TENM3: variants seen among roughly 807,000 people sequenced by gnomAD.
The protein encoded by TENM3 is teneurin-3.
A neutral mutation model predicts 255.1 loss-of-function variants in TENM3; 63 were observed. That is an observed-to-expected ratio of 0.25 (90% CI 0.20 to 0.30). The LOEUF is 0.30. TENM3 is among the 10% of genes least tolerant of loss of function. The pLI is 1.00. For missense variants in TENM3, 2,929 were observed against 3,461.1 expected (o/e 0.85, Z 3.86); for synonymous variants, 1,306 against 1,322.3 (o/e 0.99, Z 0.27).
intron 3 of TENM3, among the ~76,000 whole-genome samples, chr4:182,425,797 C>T (rs1308683582): frequency 3.3e-5 from 5 of 152,106 alleles, no homozygotes; most frequent in African/African-American, 9.7e-5. Context: ...ATCACGAGGT[C>T]AGGAGATCAA....
At chr4:182,755,419 G>A (rs12512280) in intron 22 of TENM3, 160 bp downstream of exon 22, 1,628 of 659,546 alleles carry the variant, frequency 2.5e-3, no homozygotes, top group Non-Finnish European at 3.4e-3. Context: ...GCTCATTCCC[G>A]TAGTCTCAGC....
chr4:181,917,088 A>G, the TENM3 span, among the ~76,000 whole-genome samples: 1 of 152,144 alleles, frequency 6.6e-6, no homozygotes, highest in Admixed American at 6.5e-5. Context: ...AGAACAGTCT[A>G]AAAATATTTA....
chr4:181,511,565 G>A, the TENM3 span, among the ~76,000 whole-genome samples: 1 of 152,204 alleles, frequency 6.6e-6, no homozygotes, highest in African/African-American at 2.4e-5. Context: ...TTCACTCTGA[G>A]AGCCATGTCT....
Position 182,688,354 on chromosome 4 carries a change from A to G in TENM3, c.2221+3A>G, listed in dbSNP as rs1239353532. 2 of 1,592,204 alleles carry G rather than the reference A, an allele frequency of 1.3e-6. No homozygotes were observed. Among genetic ancestry groups the G allele is most frequent in the South Asian group, 1.1e-5 (1 of 88,642 alleles). ...GAATGGAGAGCACTGCACTATCGGTAGGCTTACTGCAAGTCTGTGTCTGTC... is the reference window on the plus strand; with the variant it reads ...GAATGGAGAGCACTGCACTATCGGTGGGCTTACTGCAAGTCTGTGTCTGTC... On this transcript the variant is annotated splice_donor_region_variant and intron_variant, in intron 12 of 27. Coordinates refer to ENST00000511685, the MANE Select transcript of TENM3 (RefSeq NM_001080477.4).
chr4:182,433,406 C>T (rs11132125), intron 3 of TENM3, among the ~76,000 whole-genome samples: 123,865 of 152,118 alleles, frequency 0.81, 51,054 homozygotes, highest in Non-Finnish European at 0.89. Flanking sequence ...GGCTGAAAAC[C>T]GAAGTCATGG....
At chr4:181,828,797 C>T in the TENM3 span, among the ~76,000 whole-genome samples, 1 of 152,082 alleles carries the variant, frequency 6.6e-6, no homozygotes, top group African/African-American at 2.4e-5. Context: ...ACCATGTTGG[C>T]CAGGCTGGTC....
chr4:181,566,647 G>A, the TENM3 span, among the ~76,000 whole-genome samples: 1 of 152,218 alleles, frequency 6.6e-6, no homozygotes, highest in Non-Finnish European at 1.5e-5. Context: ...GACCAGCTGT[G>A]GTTTACACAG....
At chr4:181,999,453 A>G in the TENM3 span, among the ~76,000 whole-genome samples, 1 of 152,308 alleles carries the variant, frequency 6.6e-6, no homozygotes, top group East Asian at 1.9e-4. Context: ...TTTGCCATTG[A>G]CAATTTAGTT....
At chr4:181,891,911 G>A in the TENM3 span, among the ~76,000 whole-genome samples, 2 of 152,062 alleles carry the variant, frequency 1.3e-5, no homozygotes, top group African/African-American at 4.8e-5. Flanking sequence ...TAAGCCATGA[G>A]GACTCCTTCC....
At chr4:182,077,181 C>G in the TENM3 span, among the ~76,000 whole-genome samples, 1 of 152,232 alleles carries the variant, frequency 6.6e-6, no homozygotes, top group Admixed American at 6.5e-5. Context: ...TATATCATTT[C>G]CAGAGTCTTT....
At chr4:182,521,994 G>T (rs79086174) in intron 3 of TENM3, among the ~76,000 whole-genome samples, 1,934 of 152,238 alleles carry the variant, frequency 0.013, 38 homozygotes, top group African/African-American at 0.045. Flanking sequence ...ACTCAGATTG[G>T]CTCTTAAGAA....
chr4:182,251,395 G>A (rs897624418), intron 1 of TENM3, among the ~76,000 whole-genome samples: 1 of 152,136 alleles, frequency 6.6e-6, no homozygotes, highest in African/African-American at 2.4e-5. Flanking sequence ...TCGAGCCCAG[G>A]TGGTCCAGGT....
chr4:181,719,066 C>T, the TENM3 span, among the ~76,000 whole-genome samples: 5 of 151,062 alleles, frequency 3.3e-5, no homozygotes, highest in Admixed American at 2.0e-4. Context: ...ATTAGCCGGG[C>T]GCGGTGGCGG....
the TENM3 span, among the ~76,000 whole-genome samples, chr4:181,780,305 C>G: frequency 1.3e-5 from 2 of 152,078 alleles, no homozygotes; most frequent in Non-Finnish European, 2.9e-5. Flanking sequence ...CCTGTTGTTT[C>G]CTGACTTTTT....
the TENM3 span, among the ~76,000 whole-genome samples, chr4:181,526,098 C>T: frequency 3.9e-5 from 6 of 152,148 alleles, no homozygotes; most frequent in African/African-American, 9.7e-5. Context: ...AGGAAACAGA[C>T]ATTGGAGTAT....
intron 17 of TENM3, 126 bp from the exon 18 acceptor site, chr4:182,738,275 T>C (rs1225683414): frequency 5.4e-6 from 4 of 746,102 alleles, no homozygotes; most frequent in Non-Finnish European, 8.2e-6. Flanking sequence ...AATAAACTGC[T>C]CATAAATAAG....
chr4:181,741,113 A>G, the TENM3 span, among the ~76,000 whole-genome samples: 1 of 152,204 alleles, frequency 6.6e-6, no homozygotes, highest in Admixed American at 6.6e-5. Context: ...TCTTGACTGT[A>G]AGATCTTTTT....
chr4:182,563,948 G>T (rs73872438), intron 3 of TENM3, among the ~76,000 whole-genome samples: 9,330 of 152,216 alleles, frequency 0.061, 306 homozygotes, highest in Middle Eastern at 0.1. Context: ...CATGGTTCAT[G>T]TTTCAACTAC....
the TENM3 span, among the ~76,000 whole-genome samples, chr4:181,640,381 T>C: frequency 1.3e-5 from 2 of 152,138 alleles, no homozygotes; most frequent in African/African-American, 4.8e-5. Flanking sequence ...GTCAAAGAAA[T>C]TTAGTTTCTT....
Sources: allele counts gnomAD v4.1 joint callset (sites outside exome capture counted in the v4.1 genomes callset), GRCh38; gene constraint gnomAD v4.1.1; transcripts MANE v1.5; gene names NCBI Gene and HGNC (gene_info 2026-07-23, HGNC 2026-07-21).